The following L1CAM variants were observed in gnomAD, a reference collection of about 807,000 sequenced individuals.
L1CAM encodes the protein neural cell adhesion molecule L1.
L1CAM carries 8 observed loss-of-function variants against 93.0 expected under a neutral mutation model. That is an observed-to-expected ratio of 0.09 (90% CI 0.05 to 0.16). The LOEUF is 0.16. Among genes scored for constraint, L1CAM ranks in the 10% least tolerant of loss-of-function variants. The pLI, the probability that L1CAM is intolerant of heterozygous loss-of-function variation, is 1.00. For synonymous variants in L1CAM, 453 were observed against 453.0 expected (o/e 1.00, Z 0.00); for missense variants, 777 against 1,073.4 (o/e 0.72, Z 3.86).
In L1CAM at chrX:153,864,618, A is replaced by C; in HGVS notation, c.3133T>G (p.Phe1045Val). The C allele has an allele frequency of 2.5e-6, 3 of 1,211,298 alleles. No homozygotes were observed. The highest frequency in any genetic ancestry group is 3.4e-6 in the Non-Finnish European group (3 of 895,107). The change falls in exon 24 of 29, where the codon TTC (phenylalanine) becomes GTC (valine). Residue 1045 changes from phenylalanine to valine, a missense_variant. Transcript: ENST00000370060. ...SWVPKEGQCN[F>V]RFHILFKALG... Reference sequence around the variant, plus strand: ...GCTTTGAACAAGATATGGAACCTGAAGTTGCACTGGCCCTCCTTGGGGACC... The same window carrying C: ...GCTTTGAACAAGATATGGAACCTGACGTTGCACTGGCCCTCCTTGGGGACC...
chrX:153,869,480 C>G, intron 11 of L1CAM, 40 bp downstream of exon 11: 1 of 1,205,769 alleles, frequency 8.3e-7, no homozygotes, highest in Non-Finnish European at 1.1e-6. Context: ...GCTGCAGGGA[C>G]AGACTGGGAG....
intron 2 of L1CAM, among the ~76,000 whole-genome samples, chrX:153,875,137 C>T (rs2064803317): frequency 9.0e-6 from 1 of 111,708 alleles, no homozygotes; most frequent in Admixed American, 9.5e-5. Context: ...GCTTGTGCCC[C>T]CAACAAATGT....
rs2064698082 is a variant in L1CAM at position 153,864,921 on chromosome X, A to G, written c.2946T>C (p.Asp982=). The G allele has an allele frequency of 8.3e-7, 1 of 1,210,826 alleles. No homozygotes were observed. The highest frequency in any genetic ancestry group is 2.2e-5 in the Admixed American group (1 of 45,976). ...DPELRTHNLT[D]LSPHLRYRFQ... is the part of the protein sequence containing the mutation. ...AGCGGTACCGCAGGTGGGGGCTGAGATCGGTCAGGTTGTGTGTCCGAAGTT... is the reference window on the plus strand; with the variant it reads ...AGCGGTACCGCAGGTGGGGGCTGAGGTCGGTCAGGTTGTGTGTCCGAAGTT... The change falls in exon 23 of 29, where the codon GAT becomes GAC. Residue 982 remains aspartate, a synonymous_variant. Transcript: ENST00000370060.
At position 153,866,856 on chromosome X, in the gene L1CAM, C is replaced by T. The variant is rs2064718562; in HGVS notation, c.2224G>A (p.Asp742Asn). 2 of 1,210,586 alleles carry T rather than the reference C, an allele frequency of 1.7e-6. No homozygotes were observed. The highest frequency in any genetic ancestry group is 2.2e-6 in the Non-Finnish European group (2 of 894,865). ...VITWKPLRWM[D>N]WNAPQVQYRV... is the part of the protein sequence containing the mutation. The stretch of plus-strand genomic sequence containing the variant: ...TACTGAACCTGGGGGGCGTTCCAGT[C>T]CATCCACCGGAGCGGCTGGAGGAGG... Residue 742 changes from aspartate to asparagine, a missense_variant, in exon 19 of 29, where the codon GAC (aspartate) becomes AAC (asparagine). By Grantham distance (23) the Asp-to-Asn change is conservative. Transcript: ENST00000370060.
In L1CAM at chrX:153,864,829, G is replaced by T; in HGVS notation, c.3038C>A (p.Ala1013Asp). ...EAIVREGGTM[A>D]LSGISDFGNI... Reference sequence around the variant, plus strand: ...TCATTCCTCCAGCTTACCAGACAAGGCCATAGTGCCTCCTTCCCGTACGAT... The same window carrying T: ...TCATTCCTCCAGCTTACCAGACAAGTCCATAGTGCCTCCTTCCCGTACGAT... Residue 1013 changes from alanine (A) to aspartate (D), a missense_variant, in exon 23 of 29, where the codon GCC (alanine) becomes GAC (aspartate). Physicochemically the swap from Ala to Asp is moderately radical, Grantham distance 126 (BLOSUM62 -2). Transcript: ENST00000370060. The T allele has an allele frequency of 8.3e-7, 1 of 1,211,081 alleles. No individual in the cohort carries two copies. The highest frequency in any genetic ancestry group is 1.8e-5 in the South Asian group (1 of 56,901).
intron 5 of L1CAM, among the ~76,000 whole-genome samples, chrX:153,871,852 C>G (rs1274949194): frequency 2.0e-5 from 2 of 102,149 alleles, no homozygotes; most frequent in African/African-American, 7.4e-5. Context: ...TCACTCCCCC[C>G]ACCAGCCCGC....
In L1CAM at chrX:153,863,978, C is replaced by T; in HGVS notation, c.3362G>A (p.Gly1121Asp). Residue 1121 changes from glycine (G) to aspartate (D), a missense_variant, in exon 26 of 29, where the codon GGC becomes GAC. Physicochemically the swap from Gly to Asp is moderately conservative, Grantham distance 94. Transcript: ENST00000370060. ...GGCACTCACAAAGCCGATGAACCAG[C>T]CCTCAGTGGCGAAGCCAGCAGGAGG... ...RLPPAGFATE[G>D]WFIGFVSAII... 1 of 1,212,229 alleles carries T rather than the reference C, an allele frequency of 8.2e-7. No homozygotes were observed. The highest frequency in any genetic ancestry group is 1.1e-6 in the Non-Finnish European group (1 of 895,504).
intron 11 of L1CAM, 116 bp downstream of exon 11, chrX:153,869,404 G>A (rs1270652766): frequency 3.4e-6 from 3 of 872,826 alleles, no homozygotes; most frequent in South Asian, 2.1e-5. Context: ...AAAGGTCGGC[G>A]CCAGCCTGGT....
rs1387365447 is a variant in L1CAM at position 153,885,910 on chromosome X, G to A, written c.-109+155C>T. The A allele has an allele frequency of 1.9e-5, 16 of 846,195 alleles. No homozygotes were observed. In the African/African-American group the frequency reaches 3.4e-4, roughly 18 times the overall value. 69.7% of individuals were successfully genotyped at this position (846,195 alleles called of 1,213,427 possible). A position where few individuals can be genotyped will look rare whatever the true frequency, so the allele number is the denominator to read the frequency against. On this transcript the variant is annotated intron_variant, in intron 1 of 28. Coordinates refer to ENST00000370060, the MANE Select transcript of L1CAM (RefSeq NM_001278116.2). ...CAGCCCGCGGTGCCCGGAGCCCGACGCCCGGCATGGGTGGGGCTCCGGCAG... is the reference window on the plus strand; with the variant it reads ...CAGCCCGCGGTGCCCGGAGCCCGACACCCGGCATGGGTGGGGCTCCGGCAG...
rs782340411 is a variant in L1CAM at position 153,864,031 on chromosome X, A to G, written c.3323-14T>C. 8.3e-7 allele frequency: 1 copy of G among 1,211,311 alleles called. No individual in the cohort carries two copies. Among genetic ancestry groups the G allele is most frequent in the Admixed American group, 2.2e-5 (1 of 46,083 alleles). Reference sequence around the variant, plus strand: ...GCCTCACGCGGCCTGAGGGTGAGACACCAGCCCCCCGTGCTGCCGCCCAAG... The same window carrying G: ...GCCTCACGCGGCCTGAGGGTGAGACGCCAGCCCCCCGTGCTGCCGCCCAAG... On this transcript the variant is annotated splice_polypyrimidine_tract_variant and intron_variant, in intron 25 of 28. Transcript: ENST00000370060.
At chrX:153,885,915 G>T in intron 1 of L1CAM, 150 bp downstream of exon 1, 1 of 845,562 alleles carries the variant, frequency 1.2e-6, no homozygotes, top group Non-Finnish European at 1.4e-6. Flanking sequence ...CCGACGCCCG[G>T]CATGGGTGGG....
At chrX:153,879,455 G>A (rs1345005704) in intron 1 of L1CAM, among the ~76,000 whole-genome samples, 3 of 107,904 alleles carry the variant, frequency 2.8e-5, no homozygotes, top group East Asian at 5.9e-4. Context: ...GTGCGCGCAG[G>A]CCGCCTGCAC....
At chrX:153,885,475 G>A (rs41311376) in intron 1 of L1CAM, 285,532 of 907,903 alleles carry the variant, frequency 0.31, 34,537 homozygotes, top group East Asian at 0.71. Context: ...TTGGAAAGAA[G>A]AAGGAGGAGA....
Position 153,864,972 on chromosome X carries a change from T to G in L1CAM, c.2895A>C (p.Gln965His). Residue 965 changes from glutamine (Q) to histidine (H), a missense_variant, in exon 23 of 29, where the codon CAA becomes CAC. By Grantham distance (24) the Gln-to-His change is conservative. Transcript: ENST00000370060. ...YHPLDEGGKG[Q>H]LSFNLRDPEL... Reference sequence around the variant, plus strand: ...CGGGGTCCCGAAGGTTGAAGGACAGTTGCCCCTTGCCCCCCTCATCCACTG... The same window carrying G: ...CGGGGTCCCGAAGGTTGAAGGACAGGTGCCCCTTGCCCCCCTCATCCACTG... The G allele has an allele frequency of 1.7e-6, 2 of 1,211,995 alleles. No homozygotes were observed. Among genetic ancestry groups the G allele is most frequent in the South Asian group, 3.5e-5 (2 of 57,009 alleles).
At chrX:153,876,141 G>T in intron 1 of L1CAM, 197 bp from the exon 2 acceptor site, 1 of 437,852 alleles carries the variant, frequency 2.3e-6, no homozygotes, top group Non-Finnish European at 4.0e-6. Flanking sequence ...GGAAGAGATA[G>T]CCCTGGCTGG....
In L1CAM at chrX:153,869,876, G is replaced by A. The variant is rs182851917; in HGVS notation, c.1050C>T (p.Ala350=). 6.8e-5 allele frequency: 82 copies of A among 1,208,507 alleles called. No individual in the cohort carries two copies. Among genetic ancestry groups the A allele is most frequent in the Non-Finnish European group, 8.9e-5 (80 of 894,357 alleles). Residue 350 remains alanine, a synonymous_variant, in exon 10 of 29, where the codon GCC becomes GCT. Coordinates refer to ENST00000370060, the MANE Select transcript of L1CAM (RefSeq NM_001278116.2). ...TGCCCTGGACTTGGCAGTCCAGGCGGGCAGTCTCTCCTGGCCCATATAGAT... is the reference window on the plus strand; with the variant it reads ...TGCCCTGGACTTGGCAGTCCAGGCGAGCAGTCTCTCCTGGCCCATATAGAT... ...QSHLYGPGET[A]RLDCQVQGRP...
rs782745640 is a variant in L1CAM, at chrX:153,863,912, A to G, written c.3428T>C (p.Ile1143Thr). 1 of 1,212,246 alleles carries G rather than the reference A, an allele frequency of 8.2e-7. No individual in the cohort carries two copies. Among genetic ancestry groups the G allele is most frequent in the African/African-American group, 1.7e-5 (1 of 57,940 alleles). ...LLLVLLILCF[I>T]KRSKGGKYSV... ...GTATTTGCCGCCCTTGCTGCGCTTG[A>G]TGAAGCAGAGGATGAGCAGGACGAG... Residue 1143 changes from isoleucine (I) to threonine (T), a missense_variant, in exon 26 of 29, where the codon ATC becomes ACC. Ile to Thr is a moderately conservative substitution (Grantham distance 89, BLOSUM62 -1). Around this residue, in one of 5 missense-constraint regions of L1CAM, gnomAD observed 110 missense variants for 141.7 expected, o/e 0.78. Coordinates refer to ENST00000370060, the MANE Select transcript of L1CAM (RefSeq NM_001278116.2).
intron 11 of L1CAM, 85 bp downstream of exon 11, chrX:153,869,435 G>A (rs1056801597): frequency 2.8e-5 from 31 of 1,090,013 alleles, no homozygotes; most frequent in South Asian, 1.1e-4. Context: ...CACATCAGCT[G>A]CCAGCTGAGC....
At chrX:153,869,740 TC>T in intron 10 of L1CAM, 62 bp downstream of exon 10, 1 of 1,204,164 alleles carries the variant, frequency 8.3e-7, no homozygotes, top group Non-Finnish European at 1.1e-6. Flanking sequence ...ACCCTCCTCT[TC>T]CTCTCCCCCA....
Sources: allele counts gnomAD v4.1 joint callset (sites outside exome capture counted in the v4.1 genomes callset), GRCh38; gene constraint gnomAD v4.1.1; regional missense constraint gnomAD v4.1.1; transcripts MANE v1.5; gene names NCBI Gene and HGNC (gene_info 2026-07-23, HGNC 2026-07-21).